CXADR: variants seen among roughly 807,000 people sequenced by gnomAD.
The protein encoded by CXADR is coxsackievirus and adenovirus receptor.
Under a neutral mutation model 40.3 loss-of-function variants are expected in CXADR, and 20 were observed. The observed-to-expected ratio is 0.50, with a 90% confidence interval of 0.35 to 0.72. CXADR has a LOEUF of 0.72. CXADR is among the 30% of genes least tolerant of loss of function. CXADR has a pLI of 0.01. For synonymous variants in CXADR, 150 were observed against 161.3 expected (o/e 0.93, Z 0.53); for missense variants, 332 against 449.1 (o/e 0.74, Z 2.36).
chr21:17,602,576 G>C, the CXADR span, among the ~76,000 whole-genome samples: 23,337 of 151,868 alleles, frequency 0.15, 2,062 homozygotes, highest in East Asian at 0.22. Flanking sequence ...TTCTTTTTGG[G>C]GTTCTGTTAT....
Position 17,562,175 on chromosome 21 carries a change from T to C in CXADR, c.833+699T>C, listed in dbSNP as rs539247698. On this transcript the variant is annotated intron_variant, in intron 6 of 6. Transcript: ENST00000284878. ...ATTAAAAAATATTGCTAAAAAATGC[T>C]AATGATTATCTGAGCCCTCAGTGAG... Among the ~76,000 whole-genome samples the C allele has an allele frequency of 2.7e-5, 4 of 150,402 alleles. No individual in the cohort carries two copies. In the South Asian group the frequency reaches 8.6e-4, roughly 32 times the overall value.
At chr21:17,608,451 T>C in the CXADR span, among the ~76,000 whole-genome samples, 1 of 152,140 alleles carries the variant, frequency 6.6e-6, no homozygotes, top group South Asian at 2.1e-4. Flanking sequence ...GTCACATTCA[T>C]CTAGAAAATA....
chr21:17,534,032 A>ATAGC (rs1569091467), intron 1 of CXADR, among the ~76,000 whole-genome samples: 13 of 81,400 alleles, frequency 1.6e-4, no homozygotes, highest in African/African-American at 6.3e-4. Flanking sequence ...ATATATAGCT[A>ATAGC]TATATATATA....
chr21:17,541,551 C>CTT (rs1054595901), intron 1 of CXADR, among the ~76,000 whole-genome samples: 2 of 151,188 alleles, frequency 1.3e-5, no homozygotes, highest in Non-Finnish European at 2.9e-5. Flanking sequence ...GAGCAAGACT[C>CTT]TGTCTCAAAA....
intron 3 of CXADR, among the ~76,000 whole-genome samples, chr21:17,555,811 AC>A (rs1422960341): frequency 4.6e-5 from 7 of 152,020 alleles, no homozygotes; most frequent in Non-Finnish European, 7.4e-5. Context: ...TTCTTATTTA[AC>A]TTTTGCCTAT....
chr21:17,623,381 G>C, the CXADR span, among the ~76,000 whole-genome samples: 98 of 151,852 alleles, frequency 6.5e-4, 1 homozygote, highest in South Asian at 0.02. Context: ...CAATATTTTG[G>C]TGTGTGTGCT....
At chr21:17,528,991 T>G in intron 1 of CXADR, among the ~76,000 whole-genome samples, 1 of 151,664 alleles carries the variant, frequency 6.6e-6, no homozygotes, top group East Asian at 1.9e-4. Flanking sequence ...CTGTGTGGCT[T>G]GGGGAGGTAC....
downstream of CXADR, chr21:17,570,242 A>G (rs1438232215): frequency 5.4e-6 from 5 of 921,520 alleles, no homozygotes; most frequent in South Asian, 1.0e-4. Context: ...GATTGCGACA[A>G]TCATATTAAT....
chr21:17,583,023 T>C (rs1248289543), intron 7 of CXADR, among the ~76,000 whole-genome samples: 1 of 152,198 alleles, frequency 6.6e-6, no homozygotes, highest in Non-Finnish European at 1.5e-5. Context: ...AGAAAAGATA[T>C]CAGTGACTGC....
intron 1 of CXADR, among the ~76,000 whole-genome samples, chr21:17,528,804 TTAA>T (rs1465849303): frequency 1.3e-5 from 2 of 152,130 alleles, no homozygotes; most frequent in Non-Finnish European, 2.9e-5. Context: ...CACCTTCTCC[TTAA>T]TATCAGTGAG....
At chr21:17,548,768 G>A (rs914504139) in intron 2 of CXADR, among the ~76,000 whole-genome samples, 10 of 152,240 alleles carry the variant, frequency 6.6e-5, no homozygotes, top group South Asian at 2.1e-4. Context: ...ACTCCAAGTC[G>A]TCCATGCTGA....
intron 4 of CXADR, 50 bp from the exon 5 acceptor site, chr21:17,560,652 A>G: frequency 6.4e-7 from 1 of 1,563,356 alleles, no homozygotes; most frequent in Non-Finnish European, 8.8e-7. Flanking sequence ...ACACCTGATA[A>G]CAATACATAC....
the CXADR span, among the ~76,000 whole-genome samples, chr21:17,634,473 T>C: frequency 6.6e-6 from 1 of 152,218 alleles, no homozygotes; most frequent in East Asian, 1.9e-4. Context: ...GTAAGTAAGC[T>C]ATCAGAACTT....
chr21:17,520,298 T>C (rs1169890495), intron 1 of CXADR, among the ~76,000 whole-genome samples: 1 of 152,216 alleles, frequency 6.6e-6, no homozygotes, highest in Admixed American at 6.5e-5. Flanking sequence ...CATAGAGATC[T>C]GAAGGGTTTG....
At position 17,525,151 on chromosome 21, in the gene CXADR, T is replaced by G. The variant is rs887503336; in HGVS notation, c.43+11979T>G. On this transcript the variant is annotated intron_variant, in intron 1 of 6. Transcript: ENST00000284878. ...CTTGGTGAGAAAAAGGATTAACAAT[T>G]AAATTAACCAACATTTATACATACT... Among the ~76,000 whole-genome samples, 4 of 152,328 alleles carry G rather than the reference T, an allele frequency of 2.6e-5. No individual in the cohort carries two copies. In the East Asian group the frequency reaches 7.7e-4, roughly 29 times the overall value.
In CXADR at chr21:17,565,977, C is replaced by T. The variant is rs898478407; in HGVS notation, c.*285C>T. On this transcript the variant is annotated 3_prime_UTR_variant, in exon 7 of 7. Coordinates refer to ENST00000284878, the MANE Select transcript of CXADR (RefSeq NM_001338.5). Reference sequence around the variant, plus strand: ...TTATCAGTACCTAAGTAAGATGTAGCGCTTTGAATATGAAATCATAGGTGA... The same window carrying T: ...TTATCAGTACCTAAGTAAGATGTAGTGCTTTGAATATGAAATCATAGGTGA... The T allele has an allele frequency of 5.7e-6, 6 of 1,049,936 alleles. No individual in the cohort carries two copies. The highest frequency in any genetic ancestry group is 5.1e-5 in the Admixed American group (1 of 19,650). 65.0% of individuals were successfully genotyped at this position (1,049,936 alleles called of 1,614,324 possible).
At chr21:17,610,704 T>C in the CXADR span, among the ~76,000 whole-genome samples, 1 of 152,198 alleles carries the variant, frequency 6.6e-6, no homozygotes, top group Non-Finnish European at 1.5e-5. Flanking sequence ...GTAAGCAACA[T>C]CACCTTTTTG....
At chr21:17,546,725 GT>G (rs890057555) in intron 1 of CXADR, among the ~76,000 whole-genome samples, 1 of 152,168 alleles carries the variant, frequency 6.6e-6, no homozygotes, top group African/African-American at 2.4e-5. Flanking sequence ...GCCAAATTCA[GT>G]TTTAAACATC....
At chr21:17,606,596 C>CT in the CXADR span, among the ~76,000 whole-genome samples, 39 of 152,076 alleles carry the variant, frequency 2.6e-4, no homozygotes, top group Middle Eastern at 3.4e-3. Flanking sequence ...GATACAGGCT[C>CT]TAAGCTTACA....
Sources: gnomAD v4.1 joint callset for allele counts (sites outside exome capture counted in the v4.1 genomes callset) on GRCh38, gnomAD v4.1.1 for gene constraint, MANE v1.5 for transcripts, NCBI Gene and HGNC (gene_info 2026-07-23, HGNC 2026-07-21) for gene names.